Variants in FKTN observed in about 807,000 individuals in gnomAD.
FKTN encodes the protein ribitol-5-phosphate transferase FKTN.
FKTN carries 47 observed loss-of-function variants against 58.6 expected under a neutral mutation model. The ratio of observed to expected loss-of-function variants is 0.80; its 90% CI spans 0.63 to 1.02. The LOEUF is 1.02. Ranked by LOEUF, FKTN falls within the 50% of genes least tolerant of loss-of-function variation. FKTN has a pLI of 0.00. For missense variants in FKTN, 516 were observed against 537.3 expected, an observed-to-expected ratio of 0.96 and a Z score of 0.39; for synonymous variants, 178 against 191.9, an observed-to-expected ratio of 0.93 and a Z score of 0.60.
chr9:105,612,736 G>A (rs887997695), intron 7 of FKTN, among the ~76,000 whole-genome samples: 3 of 152,172 alleles, frequency 2.0e-5, no homozygotes, highest in Non-Finnish European at 2.9e-5. Flanking sequence ...AGGCCAAGGC[G>A]GGTGGATTGC....
chr9:105,601,321 A>T lies in FKTN; in HGVS notation c.342A>T (p.Ala114=), dbSNP rs368598407. The change falls in exon 5 of 11, where the codon GCA becomes GCT. Residue 114 remains alanine (A), a synonymous_variant. Transcript: ENST00000357998. Reference sequence around the variant, plus strand: ...TTCCAAGAGACTTTACTGCATTTGCACTGCAGTATCACCTATGGAAGAATG... The same window carrying T: ...TTCCAAGAGACTTTACTGCATTTGCTCTGCAGTATCACCTATGGAAGAATG... ...FCVPRDFTAF[A]LQYHLWKNEE... 1 of 1,609,798 alleles carries T rather than the reference A, an allele frequency of 6.2e-7. No individual in the cohort carries two copies. The highest frequency in any genetic ancestry group is 8.5e-7 in the Non-Finnish European group (1 of 1,178,200).
chr9:105,585,029 G>C (rs912650882), intron 3 of FKTN, among the ~76,000 whole-genome samples: 2 of 152,276 alleles, frequency 1.3e-5, no homozygotes, highest in African/African-American at 4.8e-5. Flanking sequence ...GACAGATGCT[G>C]ATGAGAGTAT....
intron 10 of FKTN, among the ~76,000 whole-genome samples, chr9:105,627,030 T>TG (rs1832827608): frequency 6.7e-6 from 1 of 150,332 alleles, no homozygotes; most frequent in Non-Finnish European, 1.5e-5. Context: ...TGGAGTGCAG[T>TG]GGTGTGATCT....
At chr9:105,562,224 G>T (rs1838428496) in intron 1 of FKTN, among the ~76,000 whole-genome samples, 2 of 152,262 alleles carry the variant, frequency 1.3e-5, no homozygotes, top group Non-Finnish European at 2.9e-5. Context: ...CTGTGCAAAG[G>T]AGTTATTACT....
rs1833916080 is a variant in FKTN, at chr9:105,635,040, T to C, written c.1173-11T>C. ...CCACTGTTGAAGCCTAATCCCTCTGTTTTGCTGCAGATACCTGTTTCCGAA... is the reference window on the plus strand; with the variant it reads ...CCACTGTTGAAGCCTAATCCCTCTGCTTTGCTGCAGATACCTGTTTCCGAA... On this transcript the variant is annotated splice_polypyrimidine_tract_variant and intron_variant, in intron 10 of 10. Transcript: ENST00000357998. The C allele has an allele frequency of 6.2e-7, 1 of 1,613,106 alleles. No homozygotes were observed. The highest frequency in any genetic ancestry group is 1.3e-5 in the African/African-American group (1 of 74,928).
intron 4 of FKTN, among the ~76,000 whole-genome samples, chr9:105,599,661 G>C: frequency 6.6e-6 from 1 of 151,598 alleles, no homozygotes; most frequent in Middle Eastern, 3.4e-3. Context: ...ACACCACCAC[G>C]CCCGGCTAAT....
rs778699054 is a variant in FKTN at position 105,599,660 on chromosome 9, C to A, written c.166-1485C>A. Among the ~76,000 whole-genome samples, 75 of 151,846 alleles carry A rather than the reference C, an allele frequency of 4.9e-4. No homozygotes were observed. The Middle Eastern group carries it at 0.014, about 28-fold the overall frequency. ...CTGGGACTACAGGCACACACCACCA[C>A]GCCCGGCTAATTTTTGTATTTTTAG... On this transcript the variant is annotated intron_variant, in intron 4 of 10. Transcript: ENST00000357998.
intron 6 of FKTN, among the ~76,000 whole-genome samples, chr9:105,605,693 A>T (rs1828764605): frequency 6.6e-6 from 1 of 152,170 alleles, no homozygotes; most frequent in Non-Finnish European, 1.5e-5. Flanking sequence ...AAATGAAAAT[A>T]ACTGAACTCA....
chr9:105,560,514 T>C (rs1416571972), intron 1 of FKTN, among the ~76,000 whole-genome samples: 1 of 152,180 alleles, frequency 6.6e-6, no homozygotes, highest in Admixed American at 6.5e-5. Context: ...AAATAATATA[T>C]GCTTATACAA....
rs942752260 is a variant in FKTN at position 105,638,233 on chromosome 9, TAA to T, written c.*2970_*2971del. 1.0e-6 allele frequency: 1 copy of T among 985,282 alleles called. No homozygotes were observed. The highest frequency in any genetic ancestry group is 1.7e-5 in the African/African-American group (1 of 57,230). The allele number at this position is 985,282 out of a possible 1,614,324, so 61.0% of individuals were successfully genotyped here. ...TATCTTTAACAGTGCTTGAGATGCT[TAA>T]CAGAGAAGGCATCCAGTGCTTCATT... On this transcript the variant is annotated 3_prime_UTR_variant, in exon 11 of 11. Coordinates refer to ENST00000357998, the MANE Select transcript of FKTN (RefSeq NM_001079802.2).
chr9:105,635,443 T>G lies in FKTN; in HGVS notation c.*179T>G. 1 of 1,453,480 alleles carries G rather than the reference T, an allele frequency of 6.9e-7. No individual in the cohort carries two copies. The highest frequency in any genetic ancestry group is 9.0e-7 in the Non-Finnish European group (1 of 1,110,596). 90.0% of individuals were successfully genotyped at this position (1,453,480 alleles called of 1,614,324 possible). On this transcript the variant is annotated 3_prime_UTR_variant, in exon 11 of 11. Transcript: ENST00000357998. Reference sequence around the variant, plus strand: ...CACTTAGTACTGAGGAATTTTCATGTGCCACATACAATGCTAGGTTACAGT... The same window carrying G: ...CACTTAGTACTGAGGAATTTTCATGGGCCACATACAATGCTAGGTTACAGT...
chr9:105,614,212 C>G (rs1830421065), intron 7 of FKTN, among the ~76,000 whole-genome samples: 1 of 152,082 alleles, frequency 6.6e-6, no homozygotes, highest in Admixed American at 6.5e-5. Flanking sequence ...CCAGAACACT[C>G]TAAAAACGAA....
intron 9 of FKTN, among the ~76,000 whole-genome samples, chr9:105,619,537 T>C (rs1347294977): frequency 6.6e-6 from 1 of 152,218 alleles, no homozygotes; most frequent in Non-Finnish European, 1.5e-5. Flanking sequence ...AAGTACTTAT[T>C]GATTGTTATG....
chr9:105,635,209 A>G lies in FKTN; in HGVS notation c.1331A>G (p.Gln444Arg), dbSNP rs1286642744. 1 of 1,614,236 alleles carries G rather than the reference A, an allele frequency of 6.2e-7. No homozygotes were observed. The highest frequency in any genetic ancestry group is 8.5e-7 in the Non-Finnish European group (1 of 1,180,024). Residue 444 changes from glutamine (Q) to arginine (R), a missense_variant, in exon 11 of 11, where the codon CAA becomes CGA. Coordinates refer to ENST00000357998, the MANE Select transcript of FKTN (RefSeq NM_001079802.2). The part of the protein sequence containing the change: ...WDWKRSPPNV[Q>R]PNGIWPISEW... ...TGGAAGCGCTCTCCTCCCAATGTGC[A>G]ACCCAATGGAATCTGGCCTATTTCT...
rs565008682 is a variant in FKTN, at chr9:105,563,916, T to C, written c.-181+5751T>C. 9.0e-3 allele frequency among the ~76,000 whole-genome samples: 1,374 copies of C among 152,334 alleles called. 21 individuals carry two copies. Among genetic ancestry groups the C allele is most frequent in the African/African-American group, 0.032 (1,316 of 41,576 alleles). On this transcript the variant is annotated intron_variant, in intron 1 of 10. Transcript: ENST00000357998. The stretch of plus-strand genomic sequence containing the variant: ...GAGGCACCCCACAGTAGGGGCAGAC[T>C]GACACCTCACACAGCCGGGTACCCC...
chr9:105,631,936 A>G (rs1833505688), intron 10 of FKTN, among the ~76,000 whole-genome samples: 1 of 150,390 alleles, frequency 6.6e-6, no homozygotes, highest in African/African-American at 2.5e-5. Context: ...CCAAAGGACT[A>G]TAAATCATGC....
rs1284036850 is a variant in FKTN at position 105,636,469 on chromosome 9, G to A, written c.*1205G>A. On this transcript the variant is annotated 3_prime_UTR_variant, in exon 11 of 11. Transcript: ENST00000357998. ...CCAGTTTTTCAGTCTGTTGAATGTCGATGGGGCAAGAACTCAGACTTCTAC... is the reference window on the plus strand; with the variant it reads ...CCAGTTTTTCAGTCTGTTGAATGTCAATGGGGCAAGAACTCAGACTTCTAC... The A allele has an allele frequency of 4.0e-6, 4 of 992,916 alleles. No homozygotes were observed. The highest frequency in any genetic ancestry group is 4.4e-5 in the South Asian group (1 of 22,786). The allele number at this position is 992,916 out of a possible 1,614,324, so 61.5% of individuals were successfully genotyped here.
chr9:105,635,951 T>C lies in FKTN; in HGVS notation c.*687T>C, dbSNP rs901345564. 3.0e-6 allele frequency: 3 copies of C among 985,896 alleles called. No individual in the cohort carries two copies. In the African/African-American group the frequency reaches 5.2e-5, roughly 17 times the overall value. 61.1% of individuals were successfully genotyped at this position (985,896 alleles called of 1,614,324 possible). On this transcript the variant is annotated 3_prime_UTR_variant, in exon 11 of 11. Coordinates refer to ENST00000357998, the MANE Select transcript of FKTN (RefSeq NM_001079802.2). ...TCATATGTGAAGTGAGAAGAAACTT[T>C]ATGCTTGTTTAATGCTTAAATTTCC...
chr9:105,568,493 C>G (rs1336114800), intron 1 of FKTN, among the ~76,000 whole-genome samples: 1 of 152,192 alleles, frequency 6.6e-6, no homozygotes, highest in Non-Finnish European at 1.5e-5. Context: ...TGAACAGACA[C>G]TTCTCAAAAG....
Sources: allele counts gnomAD v4.1 joint callset (sites outside exome capture counted in the v4.1 genomes callset), GRCh38; gene constraint gnomAD v4.1.1; transcripts MANE v1.5; gene names NCBI Gene and HGNC (gene_info 2026-07-23, HGNC 2026-07-21).